IP6K1: variants seen among roughly 807,000 people sequenced by gnomAD.
The protein encoded by IP6K1 is inositol hexakisphosphate kinase 1.
A neutral mutation model predicts 38.3 loss-of-function variants in IP6K1; 13 were observed. The observed-to-expected ratio is 0.34, with a 90% CI of 0.22 to 0.54. The LOEUF (loss-of-function observed/expected upper bound fraction) is 0.54, where lower values mean the gene tolerates loss of function less well. Ranked by LOEUF, IP6K1 falls within the 20% of genes least tolerant of loss-of-function variation. IP6K1 has a pLI of 0.92. For missense variants in IP6K1, 397 were observed against 599.8 expected (o/e 0.66, Z 3.53); for synonymous variants, 212 against 229.9 (o/e 0.92, Z 0.70).
intron 3 of IP6K1, among the ~76,000 whole-genome samples, chr3:49,735,630 A>G (rs2080602787): frequency 6.6e-6 from 1 of 152,200 alleles, no homozygotes; most frequent in African/African-American, 2.4e-5. Context: ...CTTGCATGAA[A>G]GATGCAGACT....
chr3:49,745,909 T>C (rs2080717558), intron 2 of IP6K1, among the ~76,000 whole-genome samples: 1 of 150,562 alleles, frequency 6.6e-6, no homozygotes, highest in African/African-American at 2.4e-5. Context: ...TCAAAGGACT[T>C]GAATAGACAT....
intron 1 of IP6K1, among the ~76,000 whole-genome samples, chr3:49,765,372 T>C (rs1409995554): frequency 6.6e-6 from 1 of 151,140 alleles, no homozygotes; most frequent in Admixed American, 6.6e-5. Context: ...CAGGGCGTGG[T>C]GGCTCACGCC....
intron 1 of IP6K1, among the ~76,000 whole-genome samples, chr3:49,752,604 T>C (rs1319509610): frequency 1.3e-5 from 2 of 151,848 alleles, no homozygotes; most frequent in African/African-American, 4.8e-5. Flanking sequence ...CTCACCTCAA[T>C]CTCCACTTCC....
intron 4 of IP6K1, among the ~76,000 whole-genome samples, chr3:49,731,685 AGTT>A (rs2080562794): frequency 6.6e-6 from 1 of 152,064 alleles, no homozygotes; most frequent in Admixed American, 6.6e-5. Flanking sequence ...AGAATAATCC[AGTT>A]GTTATTTGTC....
At chr3:49,759,076 TA>T (rs34655436) in intron 1 of IP6K1, among the ~76,000 whole-genome samples, 78,525 of 151,158 alleles carry the variant, frequency 0.52, 21,345 homozygotes, top group East Asian at 0.82. Context: ...AATAAACAAT[TA>T]AAAAAAAAAT....
intron 1 of IP6K1, among the ~76,000 whole-genome samples, chr3:49,755,508 T>C (rs2080814065): frequency 6.6e-6 from 1 of 152,222 alleles, no homozygotes; most frequent in Admixed American, 6.5e-5. Flanking sequence ...ACAGTATTTT[T>C]GGTTTTGGCA....
intron 3 of IP6K1, among the ~76,000 whole-genome samples, chr3:49,737,164 G>A (rs953515959): frequency 4.7e-5 from 7 of 147,750 alleles, no homozygotes; most frequent in African/African-American, 1.5e-4. Flanking sequence ...TCCCACCTCA[G>A]CCTCCTGAAG....
chr3:49,727,287 G>T lies in IP6K1; in HGVS notation c.1161C>A (p.Pro387=), dbSNP rs1559700245. 1 of 1,614,198 alleles carries T rather than the reference G, an allele frequency of 6.2e-7. No individual in the cohort carries two copies. Among genetic ancestry groups the T allele is most frequent in the African/African-American group, 1.3e-5 (1 of 75,046 alleles). ...GGACATCCACCTTGGGCTGAGAGGA[G>T]GGACCCGCCTCGGGGCTGGTGTTGC... ...SPSNTSPEAG[P]SSQPKVDVRM... The change falls in exon 6 of 6, where the codon CCC becomes CCA. Residue 387 remains proline (P), a synonymous_variant. Transcript: ENST00000321599. The surrounding 1 kb of genome is among the most constrained non-coding windows in gnomAD (Gnocchi z 5.9).
intron 1 of IP6K1, among the ~76,000 whole-genome samples, chr3:49,764,264 C>G (rs1467158665): frequency 6.6e-6 from 1 of 151,944 alleles, no homozygotes; most frequent in Non-Finnish European, 1.5e-5. Flanking sequence ...CACCTATAGT[C>G]TCAGCTACTC....
chr3:49,747,710 A>G, intron 2 of IP6K1, 108 bp downstream of exon 2: 1 of 1,447,754 alleles, frequency 6.9e-7, no homozygotes, highest in East Asian at 2.4e-5. Flanking sequence ...GTGCTTTGAG[A>G]AAAAAGACCT....
At chr3:49,738,501 TC>T in intron 2 of IP6K1, 79 bp from the exon 3 acceptor site, 1 of 1,093,680 alleles carries the variant, frequency 9.1e-7, no homozygotes, top group Non-Finnish European at 1.4e-6. Flanking sequence ...GCACTCACTT[TC>T]CCACACAGCA....
At chr3:49,746,154 G>C (rs1282095754) in intron 2 of IP6K1, among the ~76,000 whole-genome samples, 2 of 151,962 alleles carry the variant, frequency 1.3e-5, no homozygotes, top group Non-Finnish European at 2.9e-5. Context: ...CAGTTCCTCC[G>C]AAAGGTAAAC....
At chr3:49,747,528 A>T (rs147887945) in intron 2 of IP6K1, among the ~76,000 whole-genome samples, 1 of 152,266 alleles carries the variant, frequency 6.6e-6, no homozygotes, top group African/African-American at 2.4e-5. Context: ...TCTCTCCCAG[A>T]CTAGTGTCAC....
chr3:49,731,356 G>A (rs995633905), intron 4 of IP6K1, among the ~76,000 whole-genome samples: 1 of 152,146 alleles, frequency 6.6e-6, no homozygotes, highest in Non-Finnish European at 1.5e-5. Context: ...TAGACACTCA[G>A]CATCACTGTG....
chr3:49,734,738 G>A (rs2080592259), intron 3 of IP6K1, among the ~76,000 whole-genome samples: 1 of 152,098 alleles, frequency 6.6e-6, no homozygotes, highest in South Asian at 2.1e-4. Context: ...AACCCTTTAG[G>A]AAACAGAAAG....
intron 1 of IP6K1, chr3:49,785,679 A>C (rs1483200761): frequency 6.6e-6 from 1 of 152,228 alleles, no homozygotes; most frequent in Non-Finnish European, 1.5e-5. Context: ...CTTTCTCCTA[A>C]AGCAAAAAGA....
chr3:49,738,745 C>T (rs11714957), intron 2 of IP6K1, among the ~76,000 whole-genome samples: 39,871 of 152,096 alleles, frequency 0.26, 5,519 homozygotes, highest in Non-Finnish European at 0.31. Context: ...CCACACCTGG[C>T]ATCACTTAAC....
In IP6K1 at chr3:49,727,745, G is replaced by T; in HGVS notation, c.793-90C>A. ...GCAAACACTGTCTGGAAGGGACTTT[G>T]ACCAACCTGAGCTTTTCTGCTCACC... On this transcript the variant is annotated intron_variant, in intron 5 of 5. Coordinates refer to ENST00000321599, the MANE Select transcript of IP6K1 (RefSeq NM_153273.4). The surrounding 1 kb of genome is among the most constrained non-coding windows in gnomAD (Gnocchi z 5.9). The T allele has an allele frequency of 7.4e-7, 1 of 1,344,622 alleles. No homozygotes were observed. Among genetic ancestry groups the T allele is most frequent in the South Asian group, 1.4e-5 (1 of 70,860 alleles). 83.3% of individuals were successfully genotyped at this position (1,344,622 alleles called of 1,614,324 possible).
chr3:49,754,121 C>T (rs2080801830), intron 1 of IP6K1, among the ~76,000 whole-genome samples: 1 of 152,064 alleles, frequency 6.6e-6, no homozygotes, highest in Admixed American at 6.5e-5. Context: ...AATCCTAACA[C>T]TTTGGGTGGC....
Sources: allele counts gnomAD v4.1 joint callset (sites outside exome capture counted in the v4.1 genomes callset), GRCh38; gene constraint gnomAD v4.1.1; non-coding constraint Gnocchi (gnomAD v3.1); transcripts MANE v1.5; gene names NCBI Gene and HGNC (gene_info 2026-07-23, HGNC 2026-07-21).